Variants in PPARGC1A observed in about 807,000 individuals in gnomAD.
PPARGC1A encodes the protein peroxisome proliferator-activated receptor gamma coactivator 1-alpha.
In PPARGC1A, 25 loss-of-function variants were observed where a neutral mutation model predicts 88.7. The observed-to-expected ratio is 0.28, with a 90% CI of 0.21 to 0.39. The LOEUF (loss-of-function observed/expected upper bound fraction) is 0.39. PPARGC1A is among the 10% of genes least tolerant of loss of function. PPARGC1A has a pLI of 1.00. For synonymous variants in PPARGC1A, 363 were observed against 355.6 expected (o/e 1.02, Z -0.24); for missense variants, 880 against 968.7 (o/e 0.91, Z 1.22).
the PPARGC1A span, among the ~76,000 whole-genome samples, chr4:24,458,473 C>T: frequency 6.6e-6 from 1 of 152,136 alleles, no homozygotes; most frequent in African/African-American, 2.4e-5. Flanking sequence ...TGCGCTCCAT[C>T]CTTTGTGAGA....
the PPARGC1A span, among the ~76,000 whole-genome samples, chr4:24,415,447 A>G: frequency 6.8e-3 from 1,033 of 152,316 alleles, 10 homozygotes; most frequent in African/African-American, 0.023. Flanking sequence ...GGGTAATACC[A>G]GTTTATAAGT....
At chr4:23,991,679 C>T in the PPARGC1A span, among the ~76,000 whole-genome samples, 1 of 151,984 alleles carries the variant, frequency 6.6e-6, no homozygotes, top group Non-Finnish European at 1.5e-5. Flanking sequence ...CCACTGAGAA[C>T]ACTGAGACTG....
At chr4:23,812,650 C>T (rs1721131449) in intron 10 of PPARGC1A, 97 bp downstream of exon 10, 1 of 1,571,806 alleles carries the variant, frequency 6.4e-7, no homozygotes, top group Non-Finnish European at 8.6e-7. Flanking sequence ...CTAACAAAGA[C>T]TTAGCTTTTG....
At chr4:23,900,434 C>T (rs1719198695), upstream of PPARGC1A, among the ~76,000 whole-genome samples, 1 of 152,136 alleles carries the variant, frequency 6.6e-6, no homozygotes. Context: ...ACCTCAAGCA[C>T]TTCATCTACA....
At chr4:23,953,941 G>A in the PPARGC1A span, among the ~76,000 whole-genome samples, 1 of 151,870 alleles carries the variant, frequency 6.6e-6, no homozygotes, top group African/African-American at 2.4e-5. Flanking sequence ...TCATAAGACC[G>A]TACTGTCTAC....
At chr4:24,215,868 A>T in the PPARGC1A span, among the ~76,000 whole-genome samples, 1 of 152,184 alleles carries the variant, frequency 6.6e-6, no homozygotes, top group Admixed American at 6.5e-5. Flanking sequence ...TCTCCTATAG[A>T]GAGGGCAAAC....
the PPARGC1A span, among the ~76,000 whole-genome samples, chr4:24,025,018 A>G: frequency 6.6e-6 from 1 of 152,190 alleles, no homozygotes; most frequent in Non-Finnish European, 1.5e-5. Context: ...ATACTGATAA[A>G]TAAACTCCTT....
chr4:24,302,492 C>T, the PPARGC1A span, among the ~76,000 whole-genome samples: 2 of 152,226 alleles, frequency 1.3e-5, no homozygotes, highest in Non-Finnish European at 2.9e-5. Flanking sequence ...GGCACTTTGA[C>T]AGGGTGTTTG....
the PPARGC1A span, among the ~76,000 whole-genome samples, chr4:24,447,718 G>C: frequency 6.6e-6 from 1 of 152,094 alleles, no homozygotes; most frequent in African/African-American, 2.4e-5. Flanking sequence ...AGTTTCCCCA[G>C]TTGTCTCACT....
chr4:24,134,687 T>C, the PPARGC1A span, among the ~76,000 whole-genome samples: 1 of 152,230 alleles, frequency 6.6e-6, no homozygotes, highest in Non-Finnish European at 1.5e-5. Flanking sequence ...AATTTTCACA[T>C]CATTCTACAT....
the PPARGC1A span, among the ~76,000 whole-genome samples, chr4:24,120,199 T>G: frequency 1.3e-5 from 2 of 152,176 alleles, no homozygotes; most frequent in African/African-American, 4.8e-5. Flanking sequence ...AAGTGGGATC[T>G]GAACCTGGGT....
chr4:24,111,543 A>G, the PPARGC1A span, among the ~76,000 whole-genome samples: 2 of 152,186 alleles, frequency 1.3e-5, no homozygotes, highest in African/African-American at 4.8e-5. Flanking sequence ...TAGACAAAAC[A>G]TGGTTTCACA....
chr4:23,933,693 A>G, the PPARGC1A span, among the ~76,000 whole-genome samples: 38 of 152,338 alleles, frequency 2.5e-4, no homozygotes, highest in South Asian at 7.5e-3. Context: ...TGCCTGTGCC[A>G]TGTGTATAAA....
At chr4:24,290,623 C>T in the PPARGC1A span, among the ~76,000 whole-genome samples, 1 of 152,224 alleles carries the variant, frequency 6.6e-6, no homozygotes, top group Admixed American at 6.5e-5. Flanking sequence ...CTCACTCTTA[C>T]ACTTGAATGT....
chr4:24,128,289 A>T, the PPARGC1A span, among the ~76,000 whole-genome samples: 2 of 152,194 alleles, frequency 1.3e-5, no homozygotes, highest in Admixed American at 6.5e-5. Flanking sequence ...TGGAGACATT[A>T]ATACTAGCAT....
chr4:23,797,140 C>G, intron 12 of PPARGC1A, among the ~76,000 whole-genome samples: 1 of 151,864 alleles, frequency 6.6e-6, no homozygotes, highest in East Asian at 1.9e-4. Context: ...TTTTTTTCAG[C>G]AAGTTTTTTA....
chr4:24,386,217 C>A, the PPARGC1A span, among the ~76,000 whole-genome samples: 3 of 152,114 alleles, frequency 2.0e-5, no homozygotes, highest in South Asian at 6.3e-4. Flanking sequence ...ACTCTCAATA[C>A]ACTAGGTATT....
At chr4:24,180,819 T>C in the PPARGC1A span, among the ~76,000 whole-genome samples, 1 of 152,210 alleles carries the variant, frequency 6.6e-6, no homozygotes, top group Non-Finnish European at 1.5e-5. Flanking sequence ...GACTAGAATA[T>C]AAATGTGCAA....
the PPARGC1A span, among the ~76,000 whole-genome samples, chr4:24,006,732 T>C: frequency 6.6e-6 from 1 of 152,112 alleles, no homozygotes; most frequent in African/African-American, 2.4e-5. Context: ...TGAGTGTTAC[T>C]GTTCACCAGT....
Sources: gnomAD v4.1 joint callset for allele counts (sites outside exome capture counted in the v4.1 genomes callset) on GRCh38, gnomAD v4.1.1 for gene constraint, MANE v1.5 for transcripts, NCBI Gene and HGNC (gene_info 2026-07-23, HGNC 2026-07-21) for gene names.